Variants in MAPK6 observed in about 807,000 individuals in gnomAD.
MAPK6 encodes the protein mitogen-activated protein kinase 6.
A neutral mutation model predicts 59.3 loss-of-function variants in MAPK6; 19 were observed. That is an observed-to-expected ratio of 0.32 (90% CI 0.22 to 0.47). MAPK6 has a LOEUF of 0.47. Among genes scored for constraint, MAPK6 ranks in the 20% least tolerant of loss-of-function variants. MAPK6 has a pLI of 1.00. For synonymous variants in MAPK6, 316 were observed against 290.3 expected (o/e 1.09, Z -0.90); for missense variants, 724 against 847.9 (o/e 0.85, Z 1.81).
At chr15:51,996,760 A>G (rs562183701) in intron 2 of MAPK6, among the ~76,000 whole-genome samples, 5 of 148,900 alleles carry the variant, frequency 3.4e-5, no homozygotes, top group Non-Finnish European at 7.4e-5. Context: ...TGGCATGACC[A>G]TAGATCACTG....
intron 2 of MAPK6, among the ~76,000 whole-genome samples, chr15:52,048,060 C>T (rs1349632882): frequency 6.6e-6 from 1 of 152,116 alleles, no homozygotes; most frequent in Non-Finnish European, 1.5e-5. Context: ...GTAAAGAACC[C>T]CTGGGAGCCC....
intron 1 of MAPK6, among the ~76,000 whole-genome samples, chr15:52,042,206 A>G (rs1294548930): frequency 6.6e-6 from 1 of 152,210 alleles, no homozygotes; most frequent in Non-Finnish European, 1.5e-5. Flanking sequence ...GAAGACTACT[A>G]CTCACAGAGC....
intron 3 of MAPK6, among the ~76,000 whole-genome samples, chr15:52,050,340 A>C (rs1206713066): frequency 6.6e-6 from 1 of 152,124 alleles, no homozygotes; most frequent in East Asian, 1.9e-4. Flanking sequence ...AATTATCAGA[A>C]CTCCTGTTTA....
chr15:52,063,813 A>T, intron 5 of MAPK6, 89 bp from the exon 6 acceptor site: 1 of 1,170,922 alleles, frequency 8.5e-7, no homozygotes, highest in South Asian at 1.7e-5. Context: ...TCATAGACCT[A>T]GCACAGTGCT....
intron 2 of MAPK6, among the ~76,000 whole-genome samples, chr15:52,048,601 T>G (rs900414518): frequency 2.0e-5 from 3 of 152,140 alleles, no homozygotes; most frequent in African/African-American, 7.2e-5. Context: ...GGAGCAAAAC[T>G]CCATTTCCAA....
chr15:52,052,786 A>G lies in MAPK6; in HGVS notation c.700+2649A>G, dbSNP rs117629696. Among the ~76,000 whole-genome samples, 500 of 152,344 alleles carry G rather than the reference A, an allele frequency of 3.3e-3. 2 individuals are homozygous for G. The highest frequency in any genetic ancestry group is 0.02 in the Middle Eastern group (6 of 294). Reference sequence around the variant, plus strand: ...TGGATATACCACATGCTGTTTATCCATTCCTCAGTTGATGGACATTTGGGT... The same window carrying G: ...TGGATATACCACATGCTGTTTATCCGTTCCTCAGTTGATGGACATTTGGGT... On this transcript the variant is annotated intron_variant, in intron 3 of 5. Transcript: ENST00000261845.
intron 3 of MAPK6, among the ~76,000 whole-genome samples, chr15:52,052,598 A>T (rs1000169703): frequency 6.6e-6 from 1 of 152,000 alleles, no homozygotes; most frequent in African/African-American, 2.4e-5. Context: ...GCATCCACTA[A>T]TCTACTTTAT....
intron 1 of MAPK6, chr15:52,042,624 G>T (rs1403121275): frequency 6.6e-6 from 1 of 152,190 alleles, no homozygotes; most frequent in Non-Finnish European, 1.5e-5. Context: ...TCCTACTATA[G>T]TGCTATTCTG....
At chr15:51,985,237 G>A (rs1333941634) in intron 2 of MAPK6, among the ~76,000 whole-genome samples, 4 of 152,016 alleles carry the variant, frequency 2.6e-5, no homozygotes, top group African/African-American at 9.7e-5. Context: ...CAACTACTCA[G>A]GAGGCTGAGG....
chr15:51,994,592 A>G (rs760659290), intron 2 of MAPK6, among the ~76,000 whole-genome samples: 7 of 152,334 alleles, frequency 4.6e-5, no homozygotes, highest in Non-Finnish European at 8.8e-5. Flanking sequence ...GGAATGGAAT[A>G]TTTACATAGC....
At chr15:51,994,589 A>G (rs182484570) in intron 2 of MAPK6, among the ~76,000 whole-genome samples, 2 of 152,356 alleles carry the variant, frequency 1.3e-5, no homozygotes, top group Admixed American at 6.5e-5. Flanking sequence ...TGAGGAATGG[A>G]ATATTTACAT....
rs747132178 is a variant in MAPK6 at position 52,058,833 on chromosome 15, C to CT, written c.865+37dup. ...TCGAGAGTAACCCTCACGTTAATGC[C>CT]TGTGTGTGAGGCAGAATCTGTGTAG... is the stretch of plus-strand genomic sequence containing the variant. On this transcript the variant is annotated intron_variant, in intron 4 of 5. Transcript: ENST00000261845. 11 of 1,556,068 alleles carry CT rather than the reference C, an allele frequency of 7.1e-6. No individual in the cohort carries two copies. The African/African-American group carries it at 1.2e-4, about 17-fold the overall frequency.
intron 3 of MAPK6, among the ~76,000 whole-genome samples, chr15:52,051,802 A>T (rs1235994817): frequency 1.3e-5 from 2 of 151,218 alleles, no homozygotes; most frequent in East Asian, 3.9e-4. Context: ...TGAACCTGGG[A>T]GGCAGAGGTT....
chr15:52,047,001 C>A lies in MAPK6; in HGVS notation c.541C>A (p.His181Asn). Residue 181 changes from histidine to asparagine, a missense_variant, in exon 2 of 6, where the codon CAT becomes AAT. This residue lies in a region of MAPK6 where 105 missense variants were observed against 191.9 expected (regional missense o/e 0.55). Transcript: ENST00000261845. ...TGGTCTTGCACGGATCATGGATCCT[C>A]ATTATTCCCATAAGGTATGTATAGA... ...DFGLARIMDPHYSHKGHLSEG... is the reference protein window; with the variant it reads ...DFGLARIMDPNYSHKGHLSEG... 1 of 1,568,906 alleles carries A rather than the reference C, an allele frequency of 6.4e-7. No homozygotes were observed. Among genetic ancestry groups the A allele is most frequent in the Non-Finnish European group, 8.6e-7 (1 of 1,159,790 alleles).
Position 52,046,938 on chromosome 15 carries a change from A to G in MAPK6, c.478A>G (p.Ile160Val), listed in dbSNP as rs1682902720. The G allele has an allele frequency of 1.2e-6, 2 of 1,613,368 alleles. No individual in the cohort carries two copies. The highest frequency in any genetic ancestry group is 8.5e-7 in the Non-Finnish European group (1 of 1,179,682). ...AGATCTCAAACCAGCTAATCTTTTCATTAATACGGAAGACTTGGTGCTGAA... is the reference window on the plus strand; with the variant it reads ...AGATCTCAAACCAGCTAATCTTTTCGTTAATACGGAAGACTTGGTGCTGAA... ...HRDLKPANLF[I>V]NTEDLVLKIG... Residue 160 changes from isoleucine to valine, a missense_variant, in exon 2 of 6, where the codon ATT becomes GTT. This residue lies in a region of MAPK6 where 105 missense variants were observed against 191.9 expected (regional missense o/e 0.55). Transcript: ENST00000261845.
At chr15:52,023,120 AAAAAAAAAC>A (rs1364859768) in intron 1 of MAPK6, among the ~76,000 whole-genome samples, 5 of 151,286 alleles carry the variant, frequency 3.3e-5, no homozygotes, top group African/African-American at 7.3e-5. Flanking sequence ...AAAAAAAAAA[AAAAAAAAAC>A]CGAAAAACAA....
chr15:52,012,856 G>C (rs989345836), intron 3 of MAPK6, among the ~76,000 whole-genome samples: 2 of 150,944 alleles, frequency 1.3e-5, no homozygotes, highest in African/African-American at 4.9e-5. Flanking sequence ...GCGTGGTGGT[G>C]GGTGCCTGTA....
At position 52,009,383 on chromosome 15, in the gene MAPK6, A is replaced by G. The variant is rs1304616144; in HGVS notation, c.-632+4981A>G. ...TAGGAGTATCTGTTCTCTTCAAGGT[A>G]TTGGGCCTCTCAAGATAGAAGGAAG... On this transcript the variant is annotated intron_variant, in intron 3 of 7. Transcript: ENST00000691380. 2.6e-5 allele frequency among the ~76,000 whole-genome samples: 4 copies of G among 152,316 alleles called. No individual in the cohort carries two copies. In the East Asian group the frequency reaches 7.7e-4, roughly 29 times the overall value.
intron 2 of MAPK6, among the ~76,000 whole-genome samples, chr15:51,998,721 C>T (rs1175309558): frequency 4.9e-4 from 2 of 4,118 alleles, no homozygotes; most frequent in Non-Finnish European, 3.6e-3. Flanking sequence ...GACGGAGTCT[C>T]GCTCTGCCGC....
Sources: gnomAD v4.1 joint callset for allele counts (sites outside exome capture counted in the v4.1 genomes callset) on GRCh38, gnomAD v4.1.1 for gene constraint, gnomAD v4.1.1 regional missense constraint, MANE v1.5 for transcripts, NCBI Gene and HGNC (gene_info 2026-07-23, HGNC 2026-07-21) for gene names.